The following ZNF229 variants were observed in gnomAD, a reference collection of about 807,000 sequenced individuals.
ZNF229 encodes zinc finger protein 229.
A neutral mutation model predicts 11.8 loss-of-function variants in ZNF229; 10 were observed. The observed-to-expected ratio is 0.85, with a 90% CI of 0.52 to 1.44. The LOEUF is 1.44. Among genes scored for constraint, ZNF229 ranks in the 40% most tolerant of loss-of-function variants. The pLI is 0.00. For missense variants in ZNF229, 1,045 were observed against 1,015.1 expected (o/e 1.03, Z -0.40); for synonymous variants, 368 against 374.8 (o/e 0.98, Z 0.21).
At position 44,429,780 on chromosome 19, in the gene ZNF229, G is replaced by A. The variant is rs527678814; in HGVS notation, c.1001C>T (p.Thr334Met). The A allele has an allele frequency of 2.9e-5, 47 of 1,614,028 alleles. No individual in the cohort carries two copies. Among genetic ancestry groups the A allele is most frequent in the Admixed American group, 8.3e-5 (5 of 60,018 alleles). Residue 334 changes from threonine (T) to methionine (M), a missense_variant, in exon 6 of 6, where the codon ACG becomes ATG. Transcript: ENST00000614049. ...GGCTCTGGGGTGGTTACGTATGTGCGTGTTCTGTCTGACGCCCCGACCACG... is the reference window on the plus strand; with the variant it reads ...GGCTCTGGGGTGGTTACGTATGTGCATGTTCTGTCTGACGCCCCGACCACG... ...LERGRGVRQN[T>M]HIRNHPRAPV...
rs767230257 is a variant in ZNF229, at chr19:44,430,379, T to A, written c.402A>T (p.Ser134=). 16 of 1,614,196 alleles carry A rather than the reference T, an allele frequency of 9.9e-6. No individual in the cohort carries two copies. Among genetic ancestry groups the A allele is most frequent in the African/African-American group, 8.0e-5 (6 of 75,016 alleles). ...ACCCTTGATGGGGAGCAGCATCTTC[T>A]GAGAACTGGAAGTCTTTTCCTTGCA... is the stretch of plus-strand genomic sequence containing the variant. The part of the protein sequence containing the change: ...VNLQGKDFQF[S]EDAAPHQGWE... The change falls in exon 6 of 6, where the codon TCA becomes TCT. Residue 134 remains serine, a synonymous_variant. Coordinates refer to ENST00000614049, the MANE Select transcript of ZNF229 (RefSeq NM_014518.4).
chr19:44,433,760 T>A (rs1971765401), intron 4 of ZNF229, among the ~76,000 whole-genome samples: 1 of 152,004 alleles, frequency 6.6e-6, no homozygotes, highest in Non-Finnish European at 1.5e-5. Flanking sequence ...TTTGTTTTGG[T>A]CTTTTTGTTT....
In ZNF229 at chr19:44,429,168, A is replaced by C; in HGVS notation, c.1613T>G (p.Leu538Arg). 1 of 1,614,010 alleles carries C rather than the reference A, an allele frequency of 6.2e-7. No individual in the cohort carries two copies. Among genetic ancestry groups the C allele is most frequent in the East Asian group, 2.2e-5 (1 of 44,840 alleles). The change falls in exon 6 of 6, where the codon CTG becomes CGG. Residue 538 changes from leucine (L) to arginine (R), a missense_variant. Physicochemically the swap from Leu to Arg is moderately radical, Grantham distance 102. Transcript: ENST00000614049. ...TTTGTAGGGTTTCTCTCCTGTGTGC[A>C]GTCTCTGATGCATGAGAAGCCCTGA... ...YSSGLLMHQRLHTGEKPYKCE... is the reference protein window; with the variant it reads ...YSSGLLMHQRRHTGEKPYKCE...
intron 3 of ZNF229, 60 bp from the exon 4 acceptor site, chr19:44,442,681 C>T (rs1971934343): frequency 1.2e-6 from 2 of 1,607,846 alleles, no homozygotes; most frequent in Admixed American, 3.3e-5. Flanking sequence ...TCTAGATCAT[C>T]TACCTGGTAG....
Position 44,426,755 on chromosome 19 carries a change from T to C in ZNF229, c.*1548A>G, listed in dbSNP as rs1971580140. 6.6e-6 allele frequency: 1 copy of C among 152,188 alleles called. No homozygotes were observed. The allele number at this position is 152,188 out of a possible 1,614,324, so 9.4% of individuals were successfully genotyped here. A position where few individuals can be genotyped will look rare whatever the true frequency, so the allele number is the denominator to read the frequency against. ...CAAGTGGGCAACTATCTCCCAAGTA[T>C]CAATTACTACATATTTACTGCCACT... On this transcript the variant is annotated 3_prime_UTR_variant, in exon 6 of 6. Transcript: ENST00000614049.
intron 4 of ZNF229, among the ~76,000 whole-genome samples, chr19:44,436,756 G>A (rs1183117905): frequency 6.6e-6 from 1 of 152,128 alleles, no homozygotes; most frequent in African/African-American, 2.4e-5. Context: ...GTGACACAGC[G>A]AGACTGTGTC....
intron 2 of ZNF229, among the ~76,000 whole-genome samples, chr19:44,445,124 T>C (rs1971981677): frequency 6.6e-6 from 1 of 152,220 alleles, no homozygotes; most frequent in Admixed American, 6.5e-5. Flanking sequence ...TAGTCATCCT[T>C]GATTTCTTCC....
At chr19:44,446,560 C>T (rs982121813) in intron 2 of ZNF229, among the ~76,000 whole-genome samples, 1 of 152,158 alleles carries the variant, frequency 6.6e-6, no homozygotes, top group African/African-American at 2.4e-5. Context: ...AAGCCCAGTA[C>T]GTGGTACACA....
At chr19:44,439,115 C>T (rs1250681544) in intron 4 of ZNF229, among the ~76,000 whole-genome samples, 7 of 152,060 alleles carry the variant, frequency 4.6e-5, no homozygotes, top group Non-Finnish European at 7.4e-5. Flanking sequence ...AGAATTGAAC[C>T]GAAGGGCACC....
In ZNF229 at chr19:44,427,781, A is replaced by G. The variant is rs1600001041; in HGVS notation, c.*522T>C. On this transcript the variant is annotated 3_prime_UTR_variant, in exon 6 of 6. Transcript: ENST00000614049. The stretch of plus-strand genomic sequence containing the variant: ...ACACACACATCACCCAGATCTGCCA[A>G]GAGAACTTTGTTCCTGGTCTTCTCA... 6.5e-6 allele frequency: 1 copy of G among 153,762 alleles called. No individual in the cohort carries two copies. The highest frequency in any genetic ancestry group is 1.9e-4 in the East Asian group (1 of 5,196). The allele number at this position is 153,762 out of a possible 1,614,324, so 9.5% of individuals were successfully genotyped here.
At chr19:44,443,668 C>G (rs1600033447) in intron 2 of ZNF229, among the ~76,000 whole-genome samples, 1 of 152,154 alleles carries the variant, frequency 6.6e-6, no homozygotes, top group East Asian at 1.9e-4. Flanking sequence ...ACTACAATTT[C>G]AAAAGAGTAA....
rs1971932320 is a variant in ZNF229, at chr19:44,442,598, T to C, written c.58A>G (p.Ile20Val). ...KRALHSQASA[I>V]SQDREEKIMS... The stretch of plus-strand genomic sequence containing the variant: ...ATCTTCTCCTCCCTATCTTGGGAAA[T>C]GGCTGAGGCTTGAGAATGAAGAGCT... Residue 20 changes from isoleucine (I) to valine (V), a missense_variant, in exon 4 of 6, where the codon ATT becomes GTT. By Grantham distance (29) the Ile-to-Val change is conservative. Coordinates refer to ENST00000614049, the MANE Select transcript of ZNF229 (RefSeq NM_014518.4). 6.2e-7 allele frequency: 1 copy of C among 1,613,846 alleles called. No individual in the cohort carries two copies. Among genetic ancestry groups the C allele is most frequent in the Non-Finnish European group, 8.5e-7 (1 of 1,179,994 alleles).
In ZNF229 at chr19:44,442,991, TC is replaced by T; in HGVS notation, c.-145del. 1 of 969,166 alleles carries T rather than the reference TC, an allele frequency of 1.0e-6. No homozygotes were observed. Among genetic ancestry groups the T allele is most frequent in the Non-Finnish European group, 1.6e-6 (1 of 633,012 alleles). The allele number at this position is 969,166 out of a possible 1,614,324, so 60.0% of individuals were successfully genotyped here. On this transcript the variant is annotated 5_prime_UTR_variant, in exon 3 of 6. It removes the in-frame stop codon of an upstream open reading frame in the 5' UTR. Coordinates refer to ENST00000614049, the MANE Select transcript of ZNF229 (RefSeq NM_014518.4). ...CAAGTTCCTGTCTCCACCTTTACTG[TC>T]CAGAGCGCGACTGCTTCCCATGGTC...
intron 4 of ZNF229, 29 bp from the exon 5 acceptor site, chr19:44,432,395 T>A (rs754388821): frequency 6.2e-6 from 10 of 1,608,778 alleles, no homozygotes; most frequent in Non-Finnish European, 7.6e-6. Context: ...AACACAAACA[T>A]CTACTAGATG....
chr19:44,431,925 T>C, intron 5 of ZNF229: 1 of 651,966 alleles, frequency 1.5e-6, no homozygotes, highest in Non-Finnish European at 2.0e-6. Flanking sequence ...GAAATTAGTG[T>C]CCTTAGAAAA....
rs1465880598 is a variant in ZNF229 at position 44,430,619 on chromosome 19, CTAA to C, written c.239-80_239-78del. The stretch of plus-strand genomic sequence containing the variant: ...GGGACATCAGACTTTCAGACTTGAA[CTAA>C]TAATAGCCTAGAGAAAAATTAGGCT... On this transcript the variant is annotated intron_variant, in intron 5 of 5. Coordinates refer to ENST00000614049, the MANE Select transcript of ZNF229 (RefSeq NM_014518.4). 6.6e-6 allele frequency: 9 copies of C among 1,359,024 alleles called. No individual in the cohort carries two copies. The Admixed American group carries it at 1.0e-4, about 15-fold the overall frequency. The allele number at this position is 1,359,024 out of a possible 1,614,324, so 84.2% of individuals were successfully genotyped here.
chr19:44,443,315 CCTGTGAA>C (rs1197782842), intron 2 of ZNF229, among the ~76,000 whole-genome samples: 7 of 152,188 alleles, frequency 4.6e-5, no homozygotes, highest in African/African-American at 1.7e-4. Context: ...GGACCTGTGA[CCTGTGAA>C]GAAACACCTG....
chr19:44,430,663 AT>A, intron 5 of ZNF229, 121 bp from the exon 6 acceptor site: 1 of 880,338 alleles, frequency 1.1e-6, no homozygotes, highest in Non-Finnish European at 1.7e-6. Context: ...TATCATAACT[AT>A]TAGAGCACTT....
rs148891205 is a variant in ZNF229, at chr19:44,427,725, AAC to A, written c.*576_*577del. ...GCTGTAAAGCTTACCTGCAAGATAA[AAC>A]AGTCATAAAAACATGATAAAAATGT... On this transcript the variant is annotated 3_prime_UTR_variant, in exon 6 of 6. Coordinates refer to ENST00000614049, the MANE Select transcript of ZNF229 (RefSeq NM_014518.4). 1,495 of 152,736 alleles carry A rather than the reference AAC, an allele frequency of 9.8e-3. 64 individuals are homozygous for A. The highest frequency in any genetic ancestry group is 0.069 in the Admixed American group (1,050 of 15,320). The allele number at this position is 152,736 out of a possible 1,614,324, so 9.5% of individuals were successfully genotyped here. A position where few individuals can be genotyped will look rare whatever the true frequency, so the allele number is the denominator to read the frequency against.
Sources: gnomAD v4.1 joint callset for allele counts (sites outside exome capture counted in the v4.1 genomes callset) on GRCh38, gnomAD v4.1.1 for gene constraint, MANE v1.5 for transcripts, NCBI Gene and HGNC (gene_info 2026-07-23, HGNC 2026-07-21) for gene names.